The following ZC3H6 variants were observed in gnomAD, a reference collection of about 807,000 sequenced individuals.
ZC3H6 encodes the protein zinc finger CCCH domain-containing protein 6.
A neutral mutation model predicts 107.7 loss-of-function variants in ZC3H6; 40 were observed. The observed-to-expected ratio is 0.37, with a 90% CI of 0.29 to 0.48. ZC3H6 has a LOEUF of 0.48. Ranked by LOEUF, ZC3H6 falls within the 20% of genes least tolerant of loss-of-function variation. The probability of loss-of-function intolerance (pLI) is 0.98; values close to 1 mark genes in which losing one functional copy is unlikely to be tolerated. For missense variants in ZC3H6, 1,267 were observed against 1,410.4 expected (o/e 0.90, Z 1.63); for synonymous variants, 493 against 487.9 (o/e 1.01, Z -0.14).
chr2:112,319,933 T>C (rs1007971255), intron 7 of ZC3H6, among the ~76,000 whole-genome samples: 1 of 152,154 alleles, frequency 6.6e-6, no homozygotes, highest in African/African-American at 2.4e-5. Context: ...TTTATACACA[T>C]AATTTTTTAT....
intron 7 of ZC3H6, among the ~76,000 whole-genome samples, chr2:112,320,149 T>C (rs1179084528): frequency 6.6e-6 from 1 of 152,160 alleles, no homozygotes; most frequent in South Asian, 2.1e-4. Context: ...ATCAGACTGG[T>C]CTCAATCTCC....
At position 112,331,516 on chromosome 2, in the gene ZC3H6, T is replaced by G. The variant is rs770762075; in HGVS notation, c.2598T>G (p.Ile866Met). ...AGTTCAGTCACATTAAAATGGACAT[T>G]ACTCTAACCAAACCCAACTTTGCAA... ...LRQFSHIKMD[I>M]TLTKPNFAKH... Residue 866 changes from isoleucine to methionine, a missense_variant, in exon 12 of 12, where the codon ATT becomes ATG. Coordinates refer to ENST00000409871, the MANE Select transcript of ZC3H6 (RefSeq NM_198581.3). 1 of 1,613,840 alleles carries G rather than the reference T, an allele frequency of 6.2e-7. No individual in the cohort carries two copies. The highest frequency in any genetic ancestry group is 8.5e-7 in the Non-Finnish European group (1 of 1,179,878).
intron 1 of ZC3H6, among the ~76,000 whole-genome samples, chr2:112,298,510 C>T (rs1293774548): frequency 2.0e-5 from 3 of 152,212 alleles, no homozygotes; most frequent in East Asian, 1.9e-4. Context: ...TGGCGATACA[C>T]GTCAAAATTC....
Position 112,333,559 on chromosome 2 carries a change from A to G in ZC3H6, c.*1071A>G, listed in dbSNP as rs1172547536. On this transcript the variant is annotated 3_prime_UTR_variant, in exon 12 of 12. Coordinates refer to ENST00000409871, the MANE Select transcript of ZC3H6 (RefSeq NM_198581.3). Reference sequence around the variant, plus strand: ...GGTGTTTTAAGTATTTAATGTCCTCATAGTGTGGAAATCCCCTAAATTGAT... The same window carrying G: ...GGTGTTTTAAGTATTTAATGTCCTCGTAGTGTGGAAATCCCCTAAATTGAT... 2 of 152,172 alleles carry G rather than the reference A, an allele frequency of 1.3e-5. No individual in the cohort carries two copies. Among genetic ancestry groups the G allele is most frequent in the East Asian group, 1.9e-4 (1 of 5,200 alleles). 9.4% of individuals were successfully genotyped at this position (152,172 alleles called of 1,614,324 possible).
At chr2:112,282,761 A>T (rs1321062814) in intron 1 of ZC3H6, among the ~76,000 whole-genome samples, 1 of 152,246 alleles carries the variant, frequency 6.6e-6, no homozygotes, top group South Asian at 2.1e-4. Flanking sequence ...ATAGTTGCCT[A>T]CTGAACAAGA....
intron 1 of ZC3H6, among the ~76,000 whole-genome samples, chr2:112,279,221 C>G (rs527359387): frequency 3.3e-5 from 5 of 152,290 alleles, no homozygotes; most frequent in African/African-American, 1.2e-4. Context: ...ATTCAGTTCT[C>G]TCAGGCACGA....
chr2:112,294,329 T>C (rs1333939699), intron 1 of ZC3H6, among the ~76,000 whole-genome samples: 2 of 152,216 alleles, frequency 1.3e-5, no homozygotes, highest in South Asian at 2.1e-4. Context: ...AAAAATGTTA[T>C]AAGTAATCAT....
At chr2:112,322,925 G>C (rs962609107) in intron 9 of ZC3H6, 23 bp downstream of exon 9, 1 of 1,557,756 alleles carries the variant, frequency 6.4e-7, no homozygotes, top group Non-Finnish European at 8.6e-7. Flanking sequence ...CTTTCAAAAT[G>C]ACATCAAATA....
In ZC3H6 at chr2:112,338,883, A is replaced by G. The variant is rs185006157; in HGVS notation, c.*6395A>G. On this transcript the variant is annotated 3_prime_UTR_variant, in exon 12 of 12. Transcript: ENST00000409871. ...TATATATATATATATATATATATAT[A>G]TATATATATATATATATATATATAT... 0.32 allele frequency: 11,120 copies of G among 34,462 alleles called. 1,278 individuals are homozygous for G. The highest frequency in any genetic ancestry group is 0.41 in the African/African-American group (1,745 of 4,230). The allele number at this position is 34,462 out of a possible 1,614,324, so 2.1% of individuals were successfully genotyped here. A position where few individuals can be genotyped will look rare whatever the true frequency, so the allele number is the denominator to read the frequency against.
In ZC3H6 at chr2:112,337,175, A is replaced by G. The variant is rs1677148142; in HGVS notation, c.*4687A>G. The G allele has an allele frequency of 6.6e-6, 1 of 152,214 alleles. No individual in the cohort carries two copies. The highest frequency in any genetic ancestry group is 1.5e-5 in the Non-Finnish European group (1 of 68,044). The allele number at this position is 152,214 out of a possible 1,614,324, so 9.4% of individuals were successfully genotyped here. A position where few individuals can be genotyped will look rare whatever the true frequency, so the allele number is the denominator to read the frequency against. ...GAGCTCCATGTTTCCATAATAATTC[A>G]TAACTTTAAGAGTCCTCCAGACTTA... On this transcript the variant is annotated 3_prime_UTR_variant, in exon 12 of 12. Transcript: ENST00000409871.
At chr2:112,295,326 T>C (rs1351829426) in intron 1 of ZC3H6, among the ~76,000 whole-genome samples, 1 of 152,178 alleles carries the variant, frequency 6.6e-6, no homozygotes, top group Admixed American at 6.5e-5. Context: ...ATGTATTACA[T>C]TTTTTAAAGT....
intron 1 of ZC3H6, among the ~76,000 whole-genome samples, chr2:112,281,740 T>G (rs1686529217): frequency 6.6e-6 from 1 of 152,174 alleles, no homozygotes; most frequent in Admixed American, 6.5e-5. Flanking sequence ...TTTAGCTGAT[T>G]GAAATGTTAG....
chr2:112,333,827 C>T lies in ZC3H6; in HGVS notation c.*1339C>T, dbSNP rs1382866775. 6.6e-6 allele frequency: 1 copy of T among 152,014 alleles called. No individual in the cohort carries two copies. The highest frequency in any genetic ancestry group is 1.5e-5 in the Non-Finnish European group (1 of 67,958). The allele number at this position is 152,014 out of a possible 1,614,324, so 9.4% of individuals were successfully genotyped here. On this transcript the variant is annotated 3_prime_UTR_variant, in exon 12 of 12. Transcript: ENST00000409871. ...AAGATAATGAAGTAGGTAATGAAAT[C>T]AGTCCTTGAATGAAAGCAGTGCCCT...
chr2:112,307,694 G>C (rs1676502400), intron 3 of ZC3H6, among the ~76,000 whole-genome samples: 1 of 152,092 alleles, frequency 6.6e-6, no homozygotes, highest in Non-Finnish European at 1.5e-5. Context: ...GAATGTGAAG[G>C]ACCTTAGCAG....
rs535172155 is a variant in ZC3H6 at position 112,332,507 on chromosome 2, A to G, written c.*19A>G. 8.8e-6 allele frequency: 14 copies of G among 1,583,074 alleles called. No homozygotes were observed. The highest frequency in any genetic ancestry group is 6.7e-5 in the East Asian group (3 of 44,784). ...TTGTTAGCTATTGTGTAACTGAGCA[A>G]TTCTTTTCACTCTTGTGACTATCTC... On this transcript the variant is annotated 3_prime_UTR_variant, in exon 12 of 12. Transcript: ENST00000409871.
chr2:112,324,514 A>C lies in ZC3H6; in HGVS notation c.1703A>C (p.His568Pro), dbSNP rs756001637. The change falls in exon 10 of 12, where the codon CAC (histidine) becomes CCC (proline). Residue 568 changes from histidine (H) to proline (P), a missense_variant. This residue lies in a region of ZC3H6 where 925 missense variants were observed against 1,025.7 expected (regional missense o/e 0.90). Coordinates refer to ENST00000409871, the MANE Select transcript of ZC3H6 (RefSeq NM_198581.3). ...GTGATGAAAGTACCCAGAGAGAATC[A>C]CTGTTCTCCAGGTTCATCATACCAG... ...GHVMKVPREN[H>P]CSPGSSYQQS... The C allele has an allele frequency of 3.7e-6, 6 of 1,613,174 alleles. No individual in the cohort carries two copies. Among genetic ancestry groups the C allele is most frequent in the Non-Finnish European group, 3.4e-6 (4 of 1,179,544 alleles).
intron 5 of ZC3H6, chr2:112,312,145 TTGTTA>T: frequency 2.1e-6 from 1 of 481,210 alleles, no homozygotes; most frequent in Non-Finnish European, 3.5e-6. Context: ...TGAAATAAAA[TTGTTA>T]TGTTTGAAAG....
In ZC3H6 at chr2:112,316,454, A is replaced by G. The variant is rs772357481; in HGVS notation, c.748-16A>G. 2.0e-6 allele frequency: 3 copies of G among 1,502,712 alleles called. No individual in the cohort carries two copies. The allele number at this position is 1,502,712 out of a possible 1,614,324, so 93.1% of individuals were successfully genotyped here. A position where few individuals can be genotyped will look rare whatever the true frequency, so the allele number is the denominator to read the frequency against. ...TATTTCATATGCTGCATTCAAATGG[A>G]ATTTTTTTCTTGCAGTATAATAAAC... On this transcript the variant is annotated splice_polypyrimidine_tract_variant and intron_variant, in intron 5 of 11. Coordinates refer to ENST00000409871, the MANE Select transcript of ZC3H6 (RefSeq NM_198581.3).
chr2:112,276,129 CTG>C, intron 1 of ZC3H6, 103 bp downstream of exon 1: 1 of 1,002,484 alleles, frequency 1.0e-6, no homozygotes, highest in Non-Finnish European at 1.5e-6. Flanking sequence ...CTAGACGTCT[CTG>C]TGTGGCTCCG....
Sources: gnomAD v4.1 joint callset for allele counts (sites outside exome capture counted in the v4.1 genomes callset) on GRCh38, gnomAD v4.1.1 for gene constraint, gnomAD v4.1.1 regional missense constraint, MANE v1.5 for transcripts, NCBI Gene and HGNC (gene_info 2026-07-23, HGNC 2026-07-21) for gene names.